TDRD3: variants seen among roughly 807,000 people sequenced by gnomAD.
TDRD3 encodes tudor domain-containing protein 3.
Under a neutral mutation model 86.7 loss-of-function variants are expected in TDRD3, and 45 were observed. That is an observed-to-expected ratio of 0.52 (90% confidence interval 0.41 to 0.67). The LOEUF (loss-of-function observed/expected upper bound fraction) is 0.67. Among genes scored for constraint, TDRD3 ranks in the 30% least tolerant of loss-of-function variants. The pLI is 0.00. For missense variants in TDRD3, 814 were observed against 889.0 expected, an observed-to-expected ratio of 0.92 and a Z score of 1.07; for synonymous variants, 298 against 301.7, an observed-to-expected ratio of 0.99 and a Z score of 0.13.
chr13:60,410,593 G>A (rs563275597), intron 1 of TDRD3, among the ~76,000 whole-genome samples: 29 of 152,128 alleles, frequency 1.9e-4, no homozygotes, highest in Non-Finnish European at 4.0e-4. Context: ...AATTGGCCAC[G>A]ATCTTTTCTC....
chr13:60,523,819 C>G (rs906583407), intron 10 of TDRD3, among the ~76,000 whole-genome samples: 2 of 152,032 alleles, frequency 1.3e-5, no homozygotes, highest in Admixed American at 1.3e-4. Context: ...TCAAGTGATC[C>G]ACCCACCTTG....
chr13:60,568,065 A>G (rs1369429820), intron 13 of TDRD3, among the ~76,000 whole-genome samples: 2 of 152,076 alleles, frequency 1.3e-5, no homozygotes, highest in Non-Finnish European at 2.9e-5. Flanking sequence ...TTAAAATTAC[A>G]TATGTCTTGT....
intron 8 of TDRD3, among the ~76,000 whole-genome samples, chr13:60,505,748 T>C (rs1333046342): frequency 6.6e-6 from 1 of 152,044 alleles, no homozygotes; most frequent in East Asian, 1.9e-4. Flanking sequence ...CAAGTATCAA[T>C]AGCCGAATTG....
intron 12 of TDRD3, among the ~76,000 whole-genome samples, chr13:60,538,410 G>A (rs1957742924): frequency 6.8e-6 from 1 of 147,126 alleles, no homozygotes; most frequent in Non-Finnish European, 1.5e-5. Flanking sequence ...CTGTCTTAAG[G>A]TATTCTATCT....
At chr13:60,517,394 A>G (rs1433426231) in intron 10 of TDRD3, among the ~76,000 whole-genome samples, 1 of 152,182 alleles carries the variant, frequency 6.6e-6, no homozygotes, top group Non-Finnish European at 1.5e-5. Flanking sequence ...TTCCTCAAGA[A>G]TCATCTATGT....
chr13:60,531,826 T>C (rs548403723), intron 11 of TDRD3, among the ~76,000 whole-genome samples: 37 of 152,094 alleles, frequency 2.4e-4, no homozygotes, highest in South Asian at 4.1e-4. Flanking sequence ...TTATGAGCCA[T>C]AGTTAAAAAA....
chr13:60,428,740 G>C (rs146251139), intron 1 of TDRD3, among the ~76,000 whole-genome samples: 36 of 152,270 alleles, frequency 2.4e-4, no homozygotes, highest in African/African-American at 8.7e-4. Flanking sequence ...AGAAGACAGT[G>C]GTTCTGTCCA....
At chr13:60,488,241 AG>A (rs1956493388) in intron 7 of TDRD3, among the ~76,000 whole-genome samples, 1 of 152,220 alleles carries the variant, frequency 6.6e-6, no homozygotes, top group Non-Finnish European at 1.5e-5. Context: ...AGGAGGGGTA[AG>A]GAAGCAATTC....
intron 5 of TDRD3, among the ~76,000 whole-genome samples, chr13:60,477,787 A>G (rs1956218363): frequency 1.3e-5 from 2 of 152,164 alleles, no homozygotes; most frequent in Admixed American, 1.3e-4. Flanking sequence ...ATTTTATTGA[A>G]GATCTTCTCA....
intron 8 of TDRD3, among the ~76,000 whole-genome samples, chr13:60,504,867 G>A (rs1316885138): frequency 6.6e-6 from 1 of 152,156 alleles, no homozygotes; most frequent in African/African-American, 2.4e-5. Flanking sequence ...GCCAAGATAA[G>A]CCATGAGGTA....
chr13:60,460,231 T>G (rs374225640), intron 3 of TDRD3, 149 bp from the exon 4 acceptor site: 2 of 657,936 alleles, frequency 3.0e-6, no homozygotes, highest in East Asian at 3.5e-5. Flanking sequence ...AACTTGATAA[T>G]ATATAATTTC....
rs1566257642 is a variant in TDRD3, at chr13:60,510,636, G to A, written c.1022G>A (p.Gly341Glu). 1 of 1,597,410 alleles carries A rather than the reference G, an allele frequency of 6.3e-7. No homozygotes were observed. ...PVMGPPLRGR[G>E]KGRGRIRSED... ...CTTGCTTTTGCATCTAAAGGTAGAGGAAAAGGCAGGGGGCGAATAAGATCT... is the reference window on the plus strand; with the variant it reads ...CTTGCTTTTGCATCTAAAGGTAGAGAAAAAGGCAGGGGGCGAATAAGATCT... Residue 341 changes from glycine (G) to glutamate (E), a missense_variant, in exon 10 of 14, where the codon GGA (glycine) becomes GAA (glutamate). By Grantham distance (98) the Gly-to-Glu change is moderately conservative (BLOSUM62 -2). Transcript: ENST00000377881.
chr13:60,494,153 G>A (rs544458215), intron 7 of TDRD3, among the ~76,000 whole-genome samples: 1 of 152,218 alleles, frequency 6.6e-6, no homozygotes, highest in Admixed American at 6.5e-5. Flanking sequence ...CATAATGCTT[G>A]TAGTATTTTC....
intron 7 of TDRD3, among the ~76,000 whole-genome samples, chr13:60,493,530 G>T (rs1024660582): frequency 4.6e-5 from 7 of 151,990 alleles, no homozygotes; most frequent in Non-Finnish European, 8.8e-5. Context: ...GGTGGTAGTG[G>T]CACATACCTG....
At position 60,430,863 on chromosome 13, in the gene TDRD3, C is replaced by T. The variant is rs1053333202; in HGVS notation, c.42-8825C>T. ...AGTTTGTTGTTTATTACCTATCTCA[C>T]GATCATTTTAAAATCGTCATGCTGT... On this transcript the variant is annotated intron_variant, in intron 1 of 13. Transcript: ENST00000377881. Among the ~76,000 whole-genome samples the T allele has an allele frequency of 4.9e-4, 74 of 151,996 alleles. 2 individuals are homozygous for T. The highest frequency in any genetic ancestry group is 8.8e-5 in the Non-Finnish European group (6 of 67,926).
intron 1 of TDRD3, among the ~76,000 whole-genome samples, chr13:60,419,146 G>T (rs1377943949): frequency 6.6e-6 from 1 of 152,174 alleles, no homozygotes; most frequent in Non-Finnish European, 1.5e-5. Flanking sequence ...TCCAAAGTGG[G>T]TGTGACATTT....
intron 5 of TDRD3, among the ~76,000 whole-genome samples, chr13:60,470,199 G>A (rs1956046648): frequency 6.6e-6 from 1 of 152,292 alleles, no homozygotes; most frequent in East Asian, 1.9e-4. Context: ...CTATGTTGCA[G>A]CATGTGTCAG....
At position 60,397,285 on chromosome 13, in the gene TDRD3, T is replaced by C; in HGVS notation, c.-80T>C. On this transcript the variant is annotated 5_prime_UTR_variant, in exon 1 of 14. Transcript: ENST00000377881. ...TTCTTTTCTTTTCTTTTTTTTTTTT[T>C]AAGGGGGGGGGTCTCAAGTAGGAGG... The C allele has an allele frequency of 1.6e-5, 10 of 623,708 alleles. No individual in the cohort carries two copies. Among genetic ancestry groups the C allele is most frequent in the Non-Finnish European group, 1.9e-5 (8 of 422,148 alleles). The allele number at this position is 623,708 out of a possible 1,614,324, so 38.6% of individuals were successfully genotyped here.
At chr13:60,445,927 C>T (rs1025755384) in intron 3 of TDRD3, among the ~76,000 whole-genome samples, 1 of 152,158 alleles carries the variant, frequency 6.6e-6, no homozygotes, top group African/African-American at 2.4e-5. Context: ...AGATTCTTGT[C>T]TGCTCCCTTC....
Sources: allele counts gnomAD v4.1 joint callset (sites outside exome capture counted in the v4.1 genomes callset), GRCh38; gene constraint gnomAD v4.1.1; transcripts MANE v1.5; gene names NCBI Gene and HGNC (gene_info 2026-07-23, HGNC 2026-07-21).